BICC1: variants seen among roughly 807,000 people sequenced by gnomAD.
BICC1 encodes the protein BicC family RNA binding protein 1.
A neutral mutation model predicts 111.0 loss-of-function variants in BICC1; 43 were observed. That is an observed-to-expected ratio of 0.39 (90% CI 0.30 to 0.50). The LOEUF (loss-of-function observed/expected upper bound fraction) is 0.50, where lower values mean the gene tolerates loss of function less well. Among genes scored for constraint, BICC1 ranks in the 20% least tolerant of loss-of-function variants. The probability of loss-of-function intolerance (pLI) is 0.88; values close to 1 mark genes in which losing one functional copy is unlikely to be tolerated. For missense variants in BICC1, 1,091 were observed against 1,203.2 expected (o/e 0.91, Z 1.38); for synonymous variants, 467 against 434.4 (o/e 1.07, Z -0.93).
intron 1 of BICC1, among the ~76,000 whole-genome samples, chr10:58,601,770 T>C (rs895237866): frequency 4.6e-5 from 7 of 152,122 alleles, no homozygotes; most frequent in Non-Finnish European, 1.0e-4. Flanking sequence ...AATTATACAA[T>C]CTTCAACTGA....
At chr10:58,605,932 G>T (rs951496961) in intron 1 of BICC1, among the ~76,000 whole-genome samples, 3 of 152,046 alleles carry the variant, frequency 2.0e-5, no homozygotes, top group Non-Finnish European at 4.4e-5. Context: ...GTTGGTAATT[G>T]CCTTGTTCTT....
At chr10:58,724,644 C>G (rs1313378894) in intron 3 of BICC1, among the ~76,000 whole-genome samples, 1 of 152,186 alleles carries the variant, frequency 6.6e-6, no homozygotes, top group East Asian at 1.9e-4. Context: ...GCTTTTGGCT[C>G]TGCCCCAGTA....
intron 3 of BICC1, among the ~76,000 whole-genome samples, chr10:58,736,295 A>G (rs1390269104): frequency 6.6e-6 from 1 of 152,218 alleles, no homozygotes; most frequent in Non-Finnish European, 1.5e-5. Flanking sequence ...TAATGATAAT[A>G]AGGGACACCC....
chr10:58,673,062 C>T (rs1326038760), intron 2 of BICC1, among the ~76,000 whole-genome samples: 1 of 152,184 alleles, frequency 6.6e-6, no homozygotes, highest in Admixed American at 6.5e-5. Flanking sequence ...GTCTTTCTAG[C>T]TCTCCCTTGT....
At chr10:58,621,065 G>A (rs745507310) in intron 2 of BICC1, among the ~76,000 whole-genome samples, 164 bp downstream of exon 2, 4 of 152,154 alleles carry the variant, frequency 2.6e-5, no homozygotes, top group African/African-American at 9.7e-5. Flanking sequence ...AGGGGATGCT[G>A]TATGAAACTT....
chr10:58,770,687 A>T (rs1418308017), intron 3 of BICC1, among the ~76,000 whole-genome samples: 2 of 152,290 alleles, frequency 1.3e-5, no homozygotes, highest in African/African-American at 4.8e-5. Flanking sequence ...ACTTAATGGG[A>T]CAATCCAGGG....
chr10:58,781,036 C>T (rs1415596651), intron 3 of BICC1, among the ~76,000 whole-genome samples: 2 of 152,128 alleles, frequency 1.3e-5, no homozygotes, highest in Non-Finnish European at 2.9e-5. Flanking sequence ...ATTTCATATG[C>T]ATTTCCATTA....
At chr10:58,541,622 T>C (rs1658458) in intron 1 of BICC1, among the ~76,000 whole-genome samples, 69,897 of 151,898 alleles carry the variant, frequency 0.46, 17,152 homozygotes, top group Admixed American at 0.62. Context: ...TTAAAGTATC[T>C]CTATTACCCA....
intron 4 of BICC1, 43 bp downstream of exon 4, chr10:58,785,123 C>A: frequency 8.9e-7 from 1 of 1,123,730 alleles, no homozygotes; most frequent in Non-Finnish European, 1.3e-6. Context: ...AACCTTGTCT[C>A]TACAAGGGCT....
At chr10:58,814,247 C>T (rs2132942959) in intron 18 of BICC1, 1 of 610,194 alleles carries the variant, frequency 1.6e-6, no homozygotes, top group Non-Finnish European at 2.9e-6. Flanking sequence ...TCTGTATCTC[C>T]TTGTGAAATT....
At chr10:58,607,317 A>AATATAAATAAATAAATAAATAAATAAAT (rs1845254411) in intron 1 of BICC1, among the ~76,000 whole-genome samples, 1 of 134,674 alleles carries the variant, frequency 7.4e-6, no homozygotes, top group Non-Finnish European at 1.6e-5. Flanking sequence ...ACTCTGTCTC[A>AATATAAATAAATAAATAAATAAATAAAT]AAATAAATAA....
At chr10:58,648,522 C>T in intron 2 of BICC1, 1 of 985,266 alleles carries the variant, frequency 1.0e-6, no homozygotes, top group Non-Finnish European at 1.2e-6. Flanking sequence ...TAGTGTATTC[C>T]TATAAATATG....
intron 3 of BICC1, among the ~76,000 whole-genome samples, chr10:58,756,197 C>T (rs148377506): frequency 1.3e-5 from 2 of 151,944 alleles, no homozygotes; most frequent in Non-Finnish European, 2.9e-5. Flanking sequence ...TACTCCCTTT[C>T]GTATCTTAGA....
In BICC1 at chr10:58,796,503, C is replaced by G; in HGVS notation, c.1343C>G (p.Ala448Gly). ...ACPSLDILAS[A>G]GLGLTGLGLL... ...CCCAGCCTGGATATCTTAGCTTCAG[C>G]AGGCCTTGGACTCACTGGACTAGGT... is the stretch of plus-strand genomic sequence containing the variant. Residue 448 changes from alanine to glycine, a missense_variant, in exon 10 of 21, where the codon GCA becomes GGA. Transcript: ENST00000373886. 1 of 1,613,946 alleles carries G rather than the reference C, an allele frequency of 6.2e-7. No homozygotes were observed. The highest frequency in any genetic ancestry group is 8.5e-7 in the Non-Finnish European group (1 of 1,179,910).
intron 3 of BICC1, among the ~76,000 whole-genome samples, chr10:58,735,934 A>T (rs7904950): frequency 0.96 from 145,720 of 152,262 alleles, 70,100 homozygotes; most frequent in Middle Eastern, 1. Context: ...CCCATCTCAC[A>T]TGCTCCAGCC....
chr10:58,716,149 T>C (rs1292163151), intron 3 of BICC1: 2 of 1,502,660 alleles, frequency 1.3e-6, no homozygotes, highest in African/African-American at 2.8e-5. Context: ...AGAATCAGAG[T>C]ATATTGAGGA....
chr10:58,743,091 A>T (rs1017648986), intron 3 of BICC1, among the ~76,000 whole-genome samples: 2 of 152,196 alleles, frequency 1.3e-5, no homozygotes, highest in African/African-American at 2.4e-5. Context: ...TCCTTGTAGG[A>T]TGATGGCTCA....
chr10:58,550,978 C>T (rs956840141), intron 1 of BICC1, among the ~76,000 whole-genome samples: 2 of 152,048 alleles, frequency 1.3e-5, no homozygotes, highest in African/African-American at 4.8e-5. Context: ...TTTAACATTC[C>T]ACATCCTGTT....
rs979815324 is a variant in BICC1, at chr10:58,574,791, C to G, written c.191-46064C>G. Reference sequence around the variant, plus strand: ...ACGAAAAATTCCCTATTTTCTAAGACAAAAAATTCAGTGAGATGAATGATA... The same window carrying G: ...ACGAAAAATTCCCTATTTTCTAAGAGAAAAAATTCAGTGAGATGAATGATA... On this transcript the variant is annotated intron_variant, in intron 1 of 20. Coordinates refer to ENST00000373886, the MANE Select transcript of BICC1 (RefSeq NM_001080512.3). Among the ~76,000 whole-genome samples, 3 of 151,994 alleles carry G rather than the reference C, an allele frequency of 2.0e-5. No individual in the cohort carries two copies. The East Asian group carries it at 5.8e-4, about 29-fold the overall frequency.
Sources: allele counts gnomAD v4.1 joint callset (sites outside exome capture counted in the v4.1 genomes callset), GRCh38; gene constraint gnomAD v4.1.1; transcripts MANE v1.5; gene names NCBI Gene and HGNC (gene_info 2026-07-23, HGNC 2026-07-21).